BACH2: variants seen among roughly 807,000 people sequenced by gnomAD.
BACH2 encodes transcription regulator protein BACH2.
A neutral mutation model predicts 61.8 loss-of-function variants in BACH2; 5 were observed. The observed-to-expected ratio is 0.08, with a 90% CI of 0.04 to 0.17. The LOEUF (loss-of-function observed/expected upper bound fraction) is 0.17, where lower values mean the gene tolerates loss of function less well. Among genes scored for constraint, BACH2 ranks in the 10% least tolerant of loss-of-function variants. BACH2 has a pLI of 1.00. For synonymous variants in BACH2, 446 were observed against 440.1 expected (o/e 1.01, Z -0.17); for missense variants, 824 against 1,091.1 (o/e 0.76, Z 3.45).
intron 7 of BACH2, among the ~76,000 whole-genome samples, chr6:89,949,198 C>CG (rs1259623451): frequency 6.6e-6 from 1 of 152,166 alleles, no homozygotes; most frequent in Non-Finnish European, 1.5e-5. Context: ...CAGATGGGTA[C>CG]CAAGGTTGCC....
chr6:90,124,052 T>C (rs1783749879), intron 4 of BACH2, among the ~76,000 whole-genome samples: 1 of 152,158 alleles, frequency 6.6e-6, no homozygotes, highest in African/African-American at 2.4e-5. Flanking sequence ...TAAGGGTGGC[T>C]GAGTCAGAAT....
At chr6:90,239,324 T>C (rs1355276913) in intron 3 of BACH2, among the ~76,000 whole-genome samples, 1 of 152,168 alleles carries the variant, frequency 6.6e-6, no homozygotes, top group Non-Finnish European at 1.5e-5. Flanking sequence ...AACAATGAAT[T>C]CAGCAACAAT....
intron 4 of BACH2, among the ~76,000 whole-genome samples, chr6:90,191,577 G>C (rs1248570131): frequency 6.6e-6 from 1 of 152,170 alleles, no homozygotes; most frequent in East Asian, 1.9e-4. Context: ...ATGGATTTTG[G>C]AGTCACTAAG....
chr6:90,267,391 A>G (rs1771372171), intron 2 of BACH2, among the ~76,000 whole-genome samples: 1 of 152,176 alleles, frequency 6.6e-6, no homozygotes, highest in South Asian at 2.1e-4. Flanking sequence ...CACCGCAGAG[A>G]GAGAACACTT....
chr6:90,091,616 A>G (rs16882411), intron 4 of BACH2, among the ~76,000 whole-genome samples: 7,837 of 152,272 alleles, frequency 0.051, 617 homozygotes, highest in African/African-American at 0.17. Context: ...TGCTAATAAA[A>G]GCAAACTGAA....
chr6:90,104,534 G>A (rs904225696), intron 4 of BACH2: 20 of 152,360 alleles, frequency 1.3e-4, no homozygotes, highest in Admixed American at 1.2e-3. Context: ...CCCAGGCAAG[G>A]AAGGACTCTG....
At chr6:89,967,189 C>T (rs1775091777) in intron 6 of BACH2, among the ~76,000 whole-genome samples, 4 of 152,098 alleles carry the variant, frequency 2.6e-5, no homozygotes, top group South Asian at 2.1e-4. Flanking sequence ...CTGTTCTGGG[C>T]CATCTATTTT....
intron 3 of BACH2, among the ~76,000 whole-genome samples, chr6:90,211,566 A>C (rs1769350122): frequency 6.6e-6 from 1 of 150,770 alleles, no homozygotes; most frequent in Non-Finnish European, 1.5e-5. Context: ...CTCTTTAAAG[A>C]GAAGCTTAAA....
intron 7 of BACH2, among the ~76,000 whole-genome samples, chr6:89,944,225 C>T (rs548117384): frequency 3.9e-5 from 6 of 152,310 alleles, no homozygotes; most frequent in African/African-American, 7.2e-5. Context: ...AGGGCGATAA[C>T]GCCTGCCCTA....
At chr6:90,145,718 C>T (rs183733499) in intron 4 of BACH2, among the ~76,000 whole-genome samples, 1,606 of 152,224 alleles carry the variant, frequency 0.011, 8 homozygotes, top group South Asian at 0.022. Flanking sequence ...AATATGTGAA[C>T]GCATTAAGTC....
At chr6:90,273,745 T>C (rs2127882713) in intron 1 of BACH2, among the ~76,000 whole-genome samples, 1 of 152,318 alleles carries the variant, frequency 6.6e-6, no homozygotes, top group African/African-American at 2.4e-5. Flanking sequence ...TAGATGTCCC[T>C]AAATCAAGTT....
rs539665857 is a variant in BACH2, at chr6:89,982,612, C to T, written c.243+25990G>A. On this transcript the variant is annotated intron_variant, in intron 6 of 8. Coordinates refer to ENST00000257749, the MANE Select transcript of BACH2 (RefSeq NM_021813.4). ...TAGCTGTGCTTTTTAGGAGTACGTT[C>T]GGATATCACTCCAGCTTGTGTGTAC... Among the ~76,000 whole-genome samples the T allele has an allele frequency of 1.2e-4, 19 of 152,246 alleles. 1 individual carries two copies. The highest frequency in any genetic ancestry group is 1.6e-4 in the Non-Finnish European group (11 of 68,016).
chr6:90,135,061 G>GT (rs1784225105), intron 4 of BACH2, among the ~76,000 whole-genome samples: 1 of 152,174 alleles, frequency 6.6e-6, no homozygotes, highest in Non-Finnish European at 1.5e-5. Flanking sequence ...CCCCAATGGA[G>GT]TGATGACCGT....
At chr6:90,158,629 A>C (rs577116320) in intron 4 of BACH2, among the ~76,000 whole-genome samples, 1 of 152,102 alleles carries the variant, frequency 6.6e-6, no homozygotes, top group East Asian at 1.9e-4. Context: ...GTAACGAGAG[A>C]CGGGTGGTTG....
At chr6:90,157,725 T>TA (rs1785041902) in intron 4 of BACH2, among the ~76,000 whole-genome samples, 1 of 151,964 alleles carries the variant, frequency 6.6e-6, no homozygotes, top group Admixed American at 6.5e-5. Context: ...GGAGAGGAAA[T>TA]ACTCCAACCA....
chr6:89,993,943 T>C (rs912408749), intron 6 of BACH2, among the ~76,000 whole-genome samples: 7 of 152,090 alleles, frequency 4.6e-5, no homozygotes, highest in African/African-American at 1.7e-4. Flanking sequence ...TCATCATTCA[T>C]CTGATTAATA....
chr6:89,976,094 G>A (rs1775635319), intron 6 of BACH2, among the ~76,000 whole-genome samples: 1 of 152,186 alleles, frequency 6.6e-6, no homozygotes, highest in Non-Finnish European at 1.5e-5. Context: ...TGTCATGCCT[G>A]AGTATCACTT....
chr6:90,207,395 G>A (rs548874851), intron 3 of BACH2, among the ~76,000 whole-genome samples: 5 of 152,146 alleles, frequency 3.3e-5, no homozygotes, highest in Admixed American at 6.6e-5. Context: ...CTGGGATTAT[G>A]AGCCACCATA....
chr6:90,076,914 C>T (rs1328169581), intron 5 of BACH2, among the ~76,000 whole-genome samples: 3 of 152,144 alleles, frequency 2.0e-5, no homozygotes, highest in South Asian at 2.1e-4. Context: ...TGAAAATTCC[C>T]GTTTTCCGGA....
Sources: allele counts gnomAD v4.1 joint callset (sites outside exome capture counted in the v4.1 genomes callset), GRCh38; gene constraint gnomAD v4.1.1; transcripts MANE v1.5; gene names NCBI Gene and HGNC (gene_info 2026-07-23, HGNC 2026-07-21).